MACROH2A2: variants seen among roughly 807,000 people sequenced by gnomAD.
MACROH2A2 encodes core histone macro-H2A.2.
Under a neutral mutation model 37.6 loss-of-function variants are expected in MACROH2A2, and 6 were observed. The ratio of observed to expected loss-of-function variants is 0.16; its 90% confidence interval spans 0.09 to 0.32. The LOEUF (loss-of-function observed/expected upper bound fraction) is 0.32, where lower values mean the gene tolerates loss of function less well. Ranked by LOEUF, MACROH2A2 falls within the 10% of genes least tolerant of loss-of-function variation. MACROH2A2 has a pLI of 1.00. For missense variants in MACROH2A2, 290 were observed against 485.9 expected, an observed-to-expected ratio of 0.60 and a Z score of 3.79; for synonymous variants, 192 against 202.7, an observed-to-expected ratio of 0.95 and a Z score of 0.45.
intron 1 of MACROH2A2, among the ~76,000 whole-genome samples, chr10:70,055,044 T>G (rs956682904): frequency 1.3e-5 from 2 of 152,190 alleles, no homozygotes; most frequent in Non-Finnish European, 2.9e-5. Flanking sequence ...CCCTCACCAT[T>G]CCATCTTCTG....
chr10:70,079,818 C>T (rs925986723), intron 2 of MACROH2A2, among the ~76,000 whole-genome samples: 4 of 152,044 alleles, frequency 2.6e-5, no homozygotes, highest in Non-Finnish European at 5.9e-5. Flanking sequence ...TTCTGGAGGG[C>T]GGAGTCAGCT....
At chr10:70,058,638 A>G (rs1043136885) in intron 1 of MACROH2A2, among the ~76,000 whole-genome samples, 4 of 91,744 alleles carry the variant, frequency 4.4e-5, no homozygotes, top group African/African-American at 1.5e-4. Flanking sequence ...TGCCAATTTT[A>G]TATATATATA....
intron 4 of MACROH2A2, 75 bp from the exon 5 acceptor site, chr10:70,093,660 G>A: frequency 1.3e-6 from 1 of 757,586 alleles, no homozygotes; most frequent in Non-Finnish European, 2.3e-6. Context: ...TGGCAGCCGT[G>A]AGAAGAGCTT....
rs149608498 is a variant in MACROH2A2, at chr10:70,080,885, C to CAA, written c.172+5082_172+5083dup. ...GGGGAACAACAGTGAAACTCCATCT[C>CAA]AAAAAAAAAAAAAAAAAAAAAAAAA... On this transcript the variant is annotated intron_variant, in intron 2 of 8. Transcript: ENST00000373255. 3.5e-3 allele frequency among the ~76,000 whole-genome samples: 112 copies of CAA among 31,982 alleles called. 4 individuals are homozygous for CAA. The highest frequency in any genetic ancestry group is 0.013 in the African/African-American group (95 of 7,246). 21.0% of individuals were successfully genotyped at this position (31,982 alleles called of 152,430 possible).
At chr10:70,090,262 C>T (rs776108414) in intron 3 of MACROH2A2, 96 bp downstream of exon 3, 6 of 758,212 alleles carry the variant, frequency 7.9e-6, no homozygotes, top group Non-Finnish European at 1.4e-5. Flanking sequence ...GCTACAGTTC[C>T]CAATTACATT....
In MACROH2A2 at chr10:70,095,778, A is replaced by C. The variant is rs200395882; in HGVS notation, c.688+25A>C. 1.8e-5 allele frequency: 20 copies of C among 1,127,844 alleles called. 1 individual carries two copies. The East Asian group carries it at 4.4e-4, about 25-fold the overall frequency. The allele number at this position is 1,127,844 out of a possible 1,614,324, so 69.9% of individuals were successfully genotyped here. ...GGTAAGGTCCTGAGACTTCAGTAGA[A>C]GTGCCATAGAATAGGCCACTGTTCA... On this transcript the variant is annotated intron_variant, in intron 6 of 8. Transcript: ENST00000373255.
At chr10:70,102,045 C>T (rs1476822463) in intron 7 of MACROH2A2, among the ~76,000 whole-genome samples, 4 of 152,308 alleles carry the variant, frequency 2.6e-5, no homozygotes, top group Non-Finnish European at 5.9e-5. Flanking sequence ...GACTCCCAAT[C>T]AGTTCACTCC....
At chr10:70,105,940 A>G (rs2072335101) in intron 7 of MACROH2A2, among the ~76,000 whole-genome samples, 1 of 152,100 alleles carries the variant, frequency 6.6e-6, no homozygotes, top group African/African-American at 2.4e-5. Flanking sequence ...TAAGGAGGAA[A>G]ATGGCTTGCA....
At chr10:70,067,004 G>A (rs2072083084) in intron 1 of MACROH2A2, among the ~76,000 whole-genome samples, 1 of 152,142 alleles carries the variant, frequency 6.6e-6, no homozygotes, top group African/African-American at 2.4e-5. Flanking sequence ...GCATTCCTAA[G>A]TGCAAGAAGG....
intron 1 of MACROH2A2, among the ~76,000 whole-genome samples, chr10:70,058,287 A>G (rs1430841956): frequency 1.3e-5 from 2 of 152,222 alleles, no homozygotes; most frequent in Admixed American, 6.5e-5. Context: ...GGCATTGCCA[A>G]TTTGGACTTG....
At chr10:70,080,999 A>G (rs947086891) in intron 2 of MACROH2A2, among the ~76,000 whole-genome samples, 3 of 138,390 alleles carry the variant, frequency 2.2e-5, no homozygotes, top group African/African-American at 5.4e-5. Flanking sequence ...CAGGAATTTG[A>G]GGCAGCAGTG....
chr10:70,079,565 G>GCGCGCGCGCGCACA (rs1386558755), intron 2 of MACROH2A2, among the ~76,000 whole-genome samples: 1 of 126,214 alleles, frequency 7.9e-6, no homozygotes, highest in African/African-American at 3.2e-5. Flanking sequence ...GCGCGCGCGC[G>GCGCGCGCGCGCACA]CACACACACA....
At chr10:70,059,428 A>G (rs1037624444) in intron 1 of MACROH2A2, among the ~76,000 whole-genome samples, 6 of 150,608 alleles carry the variant, frequency 4.0e-5, no homozygotes, top group Admixed American at 3.3e-4. Context: ...GCTGGAGTGC[A>G]GTGGCGTGGT....
chr10:70,108,977 T>C, intron 7 of MACROH2A2, 56 bp from the exon 8 acceptor site: 2 of 1,513,532 alleles, frequency 1.3e-6, no homozygotes, highest in East Asian at 4.5e-5. Context: ...GAGGTTAGGC[T>C]ATAACCTAGG....
chr10:70,054,529 A>T (rs919711773), intron 1 of MACROH2A2, among the ~76,000 whole-genome samples: 1 of 152,070 alleles, frequency 6.6e-6, no homozygotes, highest in Admixed American at 6.6e-5. Flanking sequence ...TCCAATTGTC[A>T]CCTCACTGGG....
chr10:70,053,051 G>A lies in MACROH2A2; in HGVS notation c.-60+51G>A, dbSNP rs2071984757. On this transcript the variant is annotated intron_variant, in intron 1 of 8. Coordinates refer to ENST00000373255, the MANE Select transcript of MACROH2A2 (RefSeq NM_018649.3). This position sits in a 1 kb window ranked among gnomAD's most constrained non-coding sequence, Gnocchi z 4.8. ...ATTGTTTAGGGTGCTCCGGGGTCTG[G>A]AAACAAAACGCGCCGCCGGGGCAGT... 1 of 152,344 alleles carries A rather than the reference G, an allele frequency of 6.6e-6. No homozygotes were observed. The highest frequency in any genetic ancestry group is 2.4e-5 in the African/African-American group (1 of 41,460). The allele number at this position is 152,344 out of a possible 1,614,324, so 9.4% of individuals were successfully genotyped here.
At chr10:70,069,220 A>G (rs2072095025) in intron 1 of MACROH2A2, among the ~76,000 whole-genome samples, 2 of 152,194 alleles carry the variant, frequency 1.3e-5, no homozygotes, top group African/African-American at 4.8e-5. Flanking sequence ...CTGAAACAAC[A>G]GAGTCTGAAT....
intron 1 of MACROH2A2, among the ~76,000 whole-genome samples, chr10:70,064,727 A>G (rs770045874): frequency 6.6e-6 from 1 of 152,190 alleles, no homozygotes; most frequent in Non-Finnish European, 1.5e-5. Flanking sequence ...CTGCCATGTA[A>G]GAAGTGGTTT....
chr10:70,100,600 T>C (rs1416851614), intron 7 of MACROH2A2, among the ~76,000 whole-genome samples: 2 of 150,306 alleles, frequency 1.3e-5, no homozygotes, highest in Non-Finnish European at 3.0e-5. Context: ...GACTTACCAC[T>C]GGAACTATGT....
Sources: allele counts gnomAD v4.1 joint callset (sites outside exome capture counted in the v4.1 genomes callset), GRCh38; gene constraint gnomAD v4.1.1; non-coding constraint Gnocchi (gnomAD v3.1); transcripts MANE v1.5; gene names NCBI Gene and HGNC (gene_info 2026-07-23, HGNC 2026-07-21).